The following RGMA variants were observed in gnomAD, a reference collection of about 807,000 sequenced individuals.
RGMA encodes repulsive guidance molecule BMP co-receptor a, also known as repulsive guidance molecule A.
Under a neutral mutation model 23.2 loss-of-function variants are expected in RGMA, and 10 were observed. The ratio of observed to expected loss-of-function variants is 0.43; its 90% CI spans 0.27 to 0.73. The LOEUF is 0.73. RGMA is among the 30% of genes least tolerant of loss of function. The pLI is 0.20. For synonymous variants in RGMA, 308 were observed against 279.3 expected, an observed-to-expected ratio of 1.10 and a Z score of -1.03; for missense variants, 547 against 630.5, an observed-to-expected ratio of 0.87 and a Z score of 1.42.
chr15:93,048,381 G>A (rs2054862324), intron 3 of RGMA, among the ~76,000 whole-genome samples: 1 of 152,104 alleles, frequency 6.6e-6, no homozygotes, highest in Non-Finnish European at 1.5e-5. Flanking sequence ...AAGAAATGGC[G>A]GTCTTCTCAT....
intron 2 of RGMA, 73 bp downstream of exon 2, chr15:93,072,843 C>A (rs1269287521): frequency 2.3e-5 from 35 of 1,511,306 alleles, no homozygotes; most frequent in Middle Eastern, 2.1e-4. Flanking sequence ...CGGACTCACT[C>A]GCGCACATCT....
intron 2 of RGMA, chr15:93,066,188 C>T (rs748148258): frequency 3.5e-5 from 50 of 1,428,390 alleles, no homozygotes; most frequent in Non-Finnish European, 4.4e-5. Flanking sequence ...TCTCCTTCCA[C>T]GACATCAAAT....
intron 2 of RGMA, chr15:93,066,134 G>T: frequency 7.3e-7 from 1 of 1,361,336 alleles, no homozygotes; most frequent in Non-Finnish European, 1.0e-6. Flanking sequence ...CCCTTCACGG[G>T]CACCTCCCCG....
chr15:93,088,179 A>T, intron 1 of RGMA: 1 of 801,854 alleles, frequency 1.2e-6, no homozygotes, highest in Non-Finnish European at 1.5e-6. Flanking sequence ...GAGCAAGTCT[A>T]ATACAATTAC....
chr15:93,074,165 A>C, intron 1 of RGMA: 4 of 393,940 alleles, frequency 1.0e-5, no homozygotes, highest in Non-Finnish European at 1.5e-5. Context: ...AGTCAAACCA[A>C]CTCCTCCCGC....
At position 93,045,020 on chromosome 15, in the gene RGMA, G is replaced by C. The variant is rs2054792911; in HGVS notation, c.1331C>G (p.Ala444Gly). 1 of 1,600,634 alleles carries C rather than the reference G, an allele frequency of 6.2e-7. No individual in the cohort carries two copies. The highest frequency in any genetic ancestry group is 2.3e-5 in the East Asian group (1 of 44,408). Residue 444 changes from alanine to glycine, a missense_variant, in exon 4 of 4, where the codon GCC becomes GGC. By Grantham distance (60) the Ala-to-Gly change is moderately conservative. Around this residue, in one of 3 missense-constraint regions of RGMA, gnomAD observed 205 missense variants for 204.1 expected, o/e 1.00. Transcript: ENST00000329082. The surrounding 1 kb of genome is among the most constrained non-coding windows in gnomAD (Gnocchi z 6.9). ...CGTCTAGCAGAACACAGGGAGCAGGGCCAGGAGCGGGACGAGGGCGCCCAG... is the reference window on the plus strand; with the variant it reads ...CGTCTAGCAGAACACAGGGAGCAGGCCCAGGAGCGGGACGAGGGCGCCCAG... ...PLLGALVPLL[A>G]LLPVFC
rs1459829422 is a variant in RGMA, at chr15:93,040,104, G to A, written c.*4894C>T. On this transcript the variant is annotated 3_prime_UTR_variant, in exon 4 of 4. Coordinates refer to ENST00000329082, the MANE Select transcript of RGMA (RefSeq NM_020211.3). Reference sequence around the variant, plus strand: ...GGCACCTGTAATCCCAGCTACTTGAGTGGCTGAAGTGGGAGGATTGCTTGA... The same window carrying A: ...GGCACCTGTAATCCCAGCTACTTGAATGGCTGAAGTGGGAGGATTGCTTGA... 1 of 152,264 alleles carries A rather than the reference G, an allele frequency of 6.6e-6. No individual in the cohort carries two copies. Among genetic ancestry groups the A allele is most frequent in the Non-Finnish European group, 1.5e-5 (1 of 68,052 alleles). The allele number at this position is 152,264 out of a possible 1,614,324, so 9.4% of individuals were successfully genotyped here.
At chr15:93,086,655 T>G (rs554938764) in intron 1 of RGMA, among the ~76,000 whole-genome samples, 1 of 152,272 alleles carries the variant, frequency 6.6e-6, no homozygotes, top group Admixed American at 6.5e-5. Flanking sequence ...CAAGCATCCC[T>G]GGAAGAATGG....
At chr15:93,057,352 C>G (rs1215459654) in intron 2 of RGMA, among the ~76,000 whole-genome samples, 2 of 152,136 alleles carry the variant, frequency 1.3e-5, no homozygotes, top group African/African-American at 4.8e-5. Flanking sequence ...GTGGAGCCCC[C>G]ACGACAGGGT....
At chr15:93,073,567 C>T (rs1042657812) in intron 1 of RGMA, 102 of 1,531,024 alleles carry the variant, frequency 6.7e-5, no homozygotes, top group Non-Finnish European at 8.7e-5. Flanking sequence ...GCCCTACTTT[C>T]CAACCAGACT....
At chr15:93,085,350 G>A (rs760968357) in intron 1 of RGMA, among the ~76,000 whole-genome samples, 2 of 152,216 alleles carry the variant, frequency 1.3e-5, no homozygotes, top group Non-Finnish European at 2.9e-5. Context: ...GCCCACAGAG[G>A]ACACAGAACC....
In RGMA at chr15:93,041,377, C is replaced by T. The variant is rs551605583; in HGVS notation, c.*3621G>A. 1.3e-5 allele frequency: 2 copies of T among 152,258 alleles called. No homozygotes were observed. Among genetic ancestry groups the T allele is most frequent in the African/African-American group, 4.8e-5 (2 of 41,462 alleles). The allele number at this position is 152,258 out of a possible 1,614,324, so 9.4% of individuals were successfully genotyped here. ...GCCAGGAACCTCCAGAGGCTCCCAA[C>T]CTAGCCCGTCCTGCAAGATGAAGCT... On this transcript the variant is annotated 3_prime_UTR_variant, in exon 4 of 4. Transcript: ENST00000329082.
intron 3 of RGMA, among the ~76,000 whole-genome samples, chr15:93,046,944 T>C (rs1173391787): frequency 6.6e-6 from 1 of 152,136 alleles, no homozygotes; most frequent in Non-Finnish European, 1.5e-5. Context: ...ATTGGCTGCA[T>C]ACAGCATGCT....
At chr15:93,070,656 G>C (rs1353097581) in intron 2 of RGMA, among the ~76,000 whole-genome samples, 1 of 152,186 alleles carries the variant, frequency 6.6e-6, no homozygotes, top group Non-Finnish European at 1.5e-5. Context: ...AGTATATTTA[G>C]TTTTGGGGTA....
intron 1 of RGMA, chr15:93,073,645 G>A: frequency 6.5e-7 from 1 of 1,537,134 alleles, no homozygotes; most frequent in South Asian, 1.2e-5. Context: ...ACCGGTGCAG[G>A]AGGCTGAAAA....
rs528669038 is a variant in RGMA, at chr15:93,061,844, C to T, written c.131-9337G>A. On this transcript the variant is annotated intron_variant, in intron 2 of 3. Coordinates refer to ENST00000329082, the MANE Select transcript of RGMA (RefSeq NM_020211.3). ...CAGAATAATAGCCTGATTATTACCG[C>T]CCTGTTTGCATAACAACGAAGCCCA... Among the ~76,000 whole-genome samples the T allele has an allele frequency of 1.6e-3, 242 of 152,258 alleles. 2 individuals carry two copies. The highest frequency in any genetic ancestry group is 0.014 in the Admixed American group (219 of 15,288).
intron 2 of RGMA, chr15:93,065,888 T>C (rs2141831594): frequency 1.4e-6 from 1 of 728,322 alleles, no homozygotes; most frequent in East Asian, 2.7e-5. Context: ...CCGTCAGTGC[T>C]CTCTGTAGGC....
chr15:93,049,761 CTG>C (rs2141803924), intron 3 of RGMA, among the ~76,000 whole-genome samples: 1 of 152,354 alleles, frequency 6.6e-6, no homozygotes, highest in Non-Finnish European at 1.5e-5. Flanking sequence ...TGGACACACT[CTG>C]GGAAGCCTGA....
At chr15:93,082,006 T>A (rs1193634754) in intron 1 of RGMA, among the ~76,000 whole-genome samples, 1 of 152,264 alleles carries the variant, frequency 6.6e-6, no homozygotes, top group African/African-American at 2.4e-5. Context: ...ACACAGACTC[T>A]CTAGAGCTCA....
Sources: allele counts gnomAD v4.1 joint callset (sites outside exome capture counted in the v4.1 genomes callset), GRCh38; gene constraint gnomAD v4.1.1; regional missense constraint gnomAD v4.1.1; non-coding constraint Gnocchi (gnomAD v3.1); transcripts MANE v1.5; gene names NCBI Gene and HGNC (gene_info 2026-07-23, HGNC 2026-07-21).